ITGB5: variants seen among roughly 807,000 people sequenced by gnomAD.
ITGB5 encodes integrin subunit beta 5, also known as integrin beta-5.
Under a neutral mutation model 84.8 loss-of-function variants are expected in ITGB5, and 38 were observed. The observed-to-expected ratio is 0.45, with a 90% confidence interval of 0.35 to 0.59. The LOEUF is 0.59. Ranked by LOEUF, ITGB5 falls within the 20% of genes least tolerant of loss-of-function variation. ITGB5 has a pLI of 0.01. For missense variants in ITGB5, 905 were observed against 1,034.5 expected (o/e 0.87, Z 1.72); for synonymous variants, 393 against 414.4 (o/e 0.95, Z 0.63).
At chr3:124,792,947 G>C (rs2150962354) in intron 10 of ITGB5, 1 of 152,156 alleles carries the variant, frequency 6.6e-6, no homozygotes, top group African/African-American at 2.4e-5. Context: ...CCCACTGAGG[G>C]CCTCTCATAC....
At chr3:124,897,806 G>C (rs889294941) in intron 1 of ITGB5, among the ~76,000 whole-genome samples, 4 of 152,204 alleles carry the variant, frequency 2.6e-5, no homozygotes, top group Non-Finnish European at 5.9e-5. Flanking sequence ...AGGAAATTTT[G>C]TAAGGTGAAG....
rs571600937 is a variant in ITGB5 at position 124,855,293 on chromosome 3, G to A, written c.361+3949C>T. Among the ~76,000 whole-genome samples, 5 of 152,182 alleles carry A rather than the reference G, an allele frequency of 3.3e-5. No individual in the cohort carries two copies. In the East Asian group the frequency reaches 5.8e-4, roughly 18 times the overall value. ...TGCACTCCAGCCTGGGCGACAGAGC[G>A]AGACTCTGTCTCTCTCTACATATAT... On this transcript the variant is annotated intron_variant, in intron 3 of 14. Coordinates refer to ENST00000296181, the MANE Select transcript of ITGB5 (RefSeq NM_002213.5).
At chr3:124,844,450 C>G (rs1248173816) in intron 4 of ITGB5, among the ~76,000 whole-genome samples, 1 of 152,092 alleles carries the variant, frequency 6.6e-6, no homozygotes, top group African/African-American at 2.4e-5. Flanking sequence ...ATCCCAGCTA[C>G]TCAGGAGGCT....
Position 124,790,721 on chromosome 3 carries a change from T to G in ITGB5, c.1693+5667A>C, listed in dbSNP as rs1221868376. On this transcript the variant is annotated intron_variant, in intron 10 of 14. Transcript: ENST00000296181. The stretch of plus-strand genomic sequence containing the variant: ...CATGCTTCTTCTTGTTCTTTTTTTT[T>G]TTGTTTGGGAGAGAACGGAGGATGC... 2.6e-5 allele frequency among the ~76,000 whole-genome samples: 4 copies of G among 152,200 alleles called. No individual in the cohort carries two copies. The East Asian group carries it at 7.7e-4, about 29-fold the overall frequency.
At chr3:124,893,363 G>A (rs1012361699) in intron 1 of ITGB5, among the ~76,000 whole-genome samples, 2 of 152,124 alleles carry the variant, frequency 1.3e-5, no homozygotes, top group African/African-American at 2.4e-5. Context: ...AGCCAAGATC[G>A]CACCCCTGCA....
intron 10 of ITGB5, among the ~76,000 whole-genome samples, chr3:124,783,290 CA>C (rs758967509): frequency 0.021 from 1,207 of 56,990 alleles, 2 homozygotes; most frequent in Non-Finnish European, 0.029. Flanking sequence ...GACTCCGTCT[CA>C]AAAAAAAAAA....
intron 1 of ITGB5, among the ~76,000 whole-genome samples, chr3:124,884,736 A>G (rs116930828): frequency 6.6e-6 from 1 of 152,148 alleles, no homozygotes; most frequent in African/African-American, 2.4e-5. Flanking sequence ...ACAGGACCCC[A>G]AAAGAGTTGC....
intron 5 of ITGB5, among the ~76,000 whole-genome samples, chr3:124,827,691 CCT>C (rs1559956015): frequency 6.6e-6 from 1 of 152,124 alleles, no homozygotes; most frequent in Non-Finnish European, 1.5e-5. Context: ...CATCGTATCC[CCT>C]GTGACCTGCA....
chr3:124,850,805 G>A (rs2065141777), intron 3 of ITGB5, among the ~76,000 whole-genome samples: 1 of 152,048 alleles, frequency 6.6e-6, no homozygotes, highest in Non-Finnish European at 1.5e-5. Flanking sequence ...TCTGCCTTTG[G>A]TCAGACAGAC....
At chr3:124,896,402 G>A (rs1230892415) in intron 1 of ITGB5, among the ~76,000 whole-genome samples, 4 of 152,102 alleles carry the variant, frequency 2.6e-5, no homozygotes, top group African/African-American at 9.7e-5. Context: ...TGTTAGACTA[G>A]ACATTCAGAC....
chr3:124,869,778 G>A (rs139038001), intron 2 of ITGB5, among the ~76,000 whole-genome samples: 832 of 152,312 alleles, frequency 5.5e-3, no homozygotes, highest in Non-Finnish European at 8.8e-3. Flanking sequence ...GAACCTAAGT[G>A]TGGGCTGGGG....
rs746381995 is a variant in ITGB5, at chr3:124,809,146, G to A, written c.1139C>T (p.Ser380Phe). ...LIINAYNSIR[S>F]KVELSVWDQP... ...ATCCCAGACTGACAACTCCACTTTA[G>A]ACCGGATACTCTGAATGGAGAGAGA... Residue 380 changes from serine to phenylalanine, a missense_variant, in exon 9 of 15, where the codon TCT becomes TTT. Physicochemically the swap from Ser to Phe is radical, Grantham distance 155 (BLOSUM62 -2). Coordinates refer to ENST00000296181, the MANE Select transcript of ITGB5 (RefSeq NM_002213.5). 6.2e-7 allele frequency: 1 copy of A among 1,614,032 alleles called. No individual in the cohort carries two copies. The highest frequency in any genetic ancestry group is 8.5e-7 in the Non-Finnish European group (1 of 1,179,992).
At chr3:124,867,501 G>A (rs1433323935) in intron 2 of ITGB5, among the ~76,000 whole-genome samples, 2 of 152,206 alleles carry the variant, frequency 1.3e-5, no homozygotes, top group African/African-American at 4.8e-5. Flanking sequence ...CTCACAGGGA[G>A]CACTGATCCC....
intron 1 of ITGB5, among the ~76,000 whole-genome samples, chr3:124,882,210 C>G (rs116354795): frequency 0.013 from 1,962 of 152,276 alleles, 58 homozygotes; most frequent in African/African-American, 0.043. Context: ...ATAAAACCAA[C>G]AAGACTCCCT....
chr3:124,881,367 G>A (rs192539451), intron 1 of ITGB5, among the ~76,000 whole-genome samples: 121 of 152,262 alleles, frequency 7.9e-4, no homozygotes, highest in African/African-American at 2.6e-3. Flanking sequence ...CATTGTGGCT[G>A]TGTCAGGGAC....
chr3:124,897,881 C>G (rs1365245107), intron 1 of ITGB5, among the ~76,000 whole-genome samples: 1 of 152,162 alleles, frequency 6.6e-6, no homozygotes, highest in Non-Finnish European at 1.5e-5. Flanking sequence ...AGTAGCTCTT[C>G]TATATTCCCC....
intron 3 of ITGB5, among the ~76,000 whole-genome samples, chr3:124,854,332 T>A (rs1579298622): frequency 1.3e-5 from 2 of 152,162 alleles, no homozygotes; most frequent in Admixed American, 6.5e-5. Flanking sequence ...TGTGGAGTTA[T>A]TAAAAGAAAA....
chr3:124,822,003 T>G (rs1184489676), intron 5 of ITGB5, among the ~76,000 whole-genome samples: 1 of 152,236 alleles, frequency 6.6e-6, no homozygotes, highest in African/African-American at 2.4e-5. Context: ...TGAGGGTTTG[T>G]AAAACCTGCC....
At chr3:124,791,137 A>G (rs1011239672) in intron 10 of ITGB5, 1 of 152,242 alleles carries the variant, frequency 6.6e-6, no homozygotes, top group Non-Finnish European at 1.5e-5. Flanking sequence ...ATCTTTTATT[A>G]CATGAAAAAC....
Sources: gnomAD v4.1 joint callset for allele counts (sites outside exome capture counted in the v4.1 genomes callset) on GRCh38, gnomAD v4.1.1 for gene constraint, MANE v1.5 for transcripts, NCBI Gene and HGNC (gene_info 2026-07-23, HGNC 2026-07-21) for gene names.